The following KLF12 variants were observed in gnomAD, a reference collection of about 807,000 sequenced individuals.
KLF12 encodes the protein Krueppel-like factor 12.
KLF12 carries 9 observed loss-of-function variants against 37.8 expected under a neutral mutation model. That is an observed-to-expected ratio of 0.24 (90% confidence interval 0.14 to 0.42). The LOEUF is 0.42. Among genes scored for constraint, KLF12 ranks in the 10% least tolerant of loss-of-function variants. The pLI is 1.00. For missense variants in KLF12, 411 were observed against 516.0 expected (o/e 0.80, Z 1.97); for synonymous variants, 208 against 202.1 (o/e 1.03, Z -0.25).
intron 2 of KLF12, among the ~76,000 whole-genome samples, chr13:73,982,691 G>C (rs1284233468): frequency 3.3e-5 from 5 of 152,186 alleles, no homozygotes; most frequent in African/African-American, 1.2e-4. Context: ...AATAGCCTAA[G>C]CAGTACATTC....
At chr13:74,144,963 C>T in the KLF12 span, among the ~76,000 whole-genome samples, 2 of 152,068 alleles carry the variant, frequency 1.3e-5, no homozygotes, top group Admixed American at 1.3e-4. Context: ...ACACTACCCA[C>T]CCCACCCCAA....
At chr13:73,915,578 T>C (rs1263874713) in intron 3 of KLF12, among the ~76,000 whole-genome samples, 1 of 151,742 alleles carries the variant, frequency 6.6e-6, no homozygotes. Flanking sequence ...AGTGGCACGA[T>C]CTTGGCTCAC....
chr13:74,027,604 C>A (rs1179242941), intron 1 of KLF12, among the ~76,000 whole-genome samples: 1 of 152,002 alleles, frequency 6.6e-6, no homozygotes, highest in Non-Finnish European at 1.5e-5. Context: ...TTATAAATAC[C>A]CTTAAAACCA....
At chr13:73,743,010 T>C (rs974384688) in intron 6 of KLF12, among the ~76,000 whole-genome samples, 4 of 133,640 alleles carry the variant, frequency 3.0e-5, no homozygotes, top group Non-Finnish European at 6.6e-5. Flanking sequence ...AGGTTTGTGT[T>C]CTCTTCGGGA....
Position 73,856,156 on chromosome 13 carries a change from G to A in KLF12, c.124-9783C>T, listed in dbSNP as rs114699241. Among the ~76,000 whole-genome samples the A allele has an allele frequency of 3.5e-3, 539 of 152,312 alleles. 2 individuals carry two copies. Among genetic ancestry groups the A allele is most frequent in the African/African-American group, 0.012 (515 of 41,580 alleles). ...AGCAAAATGGGAAAAGAGCCAGGCTGGGGACTTAGAGATGAAGGCAGGCAC... is the reference window on the plus strand; with the variant it reads ...AGCAAAATGGGAAAAGAGCCAGGCTAGGGACTTAGAGATGAAGGCAGGCAC... On this transcript the variant is annotated intron_variant, in intron 3 of 7. Transcript: ENST00000377669.
chr13:74,162,244 G>A, the KLF12 span, among the ~76,000 whole-genome samples: 2 of 152,216 alleles, frequency 1.3e-5, no homozygotes, highest in Non-Finnish European at 2.9e-5. Context: ...CAGAAAACTT[G>A]TGTTCTCATT....
At chr13:74,224,628 A>G in the KLF12 span, among the ~76,000 whole-genome samples, 3 of 152,194 alleles carry the variant, frequency 2.0e-5, no homozygotes, top group African/African-American at 4.8e-5. Flanking sequence ...AATCTCCATT[A>G]GGTAATTTGG....
At chr13:73,862,772 A>G (rs533903884) in intron 3 of KLF12, among the ~76,000 whole-genome samples, 1 of 152,324 alleles carries the variant, frequency 6.6e-6, no homozygotes, top group African/African-American at 2.4e-5. Context: ...TAAGAAAAAG[A>G]AAAGAGTCAG....
chr13:74,220,586 G>A, the KLF12 span, among the ~76,000 whole-genome samples: 12 of 152,250 alleles, frequency 7.9e-5, no homozygotes, highest in East Asian at 1.5e-3. Flanking sequence ...GTATAATGTT[G>A]TAAACCATCA....
intron 1 of KLF12, among the ~76,000 whole-genome samples, chr13:74,094,205 T>A (rs1234705725): frequency 6.6e-6 from 1 of 152,314 alleles, no homozygotes; most frequent in East Asian, 1.9e-4. Flanking sequence ...AAAATCTCAT[T>A]TATCTACTTG....
chr13:74,273,318 A>G, the KLF12 span, among the ~76,000 whole-genome samples: 3 of 152,284 alleles, frequency 2.0e-5, no homozygotes, highest in Non-Finnish European at 2.9e-5. Context: ...TCTAATTTCC[A>G]TATAAGCAAT....
intron 3 of KLF12, among the ~76,000 whole-genome samples, chr13:73,869,943 C>T (rs1886385392): frequency 6.6e-6 from 1 of 152,172 alleles, no homozygotes; most frequent in African/African-American, 2.4e-5. Flanking sequence ...ACGCTGATTC[C>T]TTCTCGACAT....
the KLF12 span, among the ~76,000 whole-genome samples, chr13:74,263,115 A>T: frequency 1.3e-5 from 2 of 152,218 alleles, no homozygotes; most frequent in Non-Finnish European, 2.9e-5. Context: ...TTTCATTTAT[A>T]AAAGAGAGAA....
At chr13:73,743,017 G>C (rs921818785) in intron 6 of KLF12, among the ~76,000 whole-genome samples, 4 of 99,514 alleles carry the variant, frequency 4.0e-5, no homozygotes, top group African/African-American at 1.1e-4. Flanking sequence ...TGTTCTCTTC[G>C]GGATTAAAAA....
At chr13:74,165,626 G>A in the KLF12 span, among the ~76,000 whole-genome samples, 4 of 152,124 alleles carry the variant, frequency 2.6e-5, no homozygotes, top group African/African-American at 9.7e-5. Flanking sequence ...CACTTGTTCC[G>A]TGGTTGCAAG....
intron 3 of KLF12, 28 bp from the exon 4 acceptor site, chr13:73,846,401 T>A (rs772984554): frequency 7.2e-5 from 112 of 1,556,286 alleles, no homozygotes; most frequent in Non-Finnish European, 9.7e-5. Flanking sequence ...GAACATATAT[T>A]TATCTTTGTT....
At chr13:73,749,831 T>C (rs567392458) in intron 6 of KLF12, among the ~76,000 whole-genome samples, 3 of 152,344 alleles carry the variant, frequency 2.0e-5, no homozygotes, top group Admixed American at 1.3e-4. Flanking sequence ...AAAGTGGTTA[T>C]ATTTAAAAGA....
Position 73,866,934 on chromosome 13 carries a change from T to A in KLF12, c.124-20561A>T, listed in dbSNP as rs115886934. On this transcript the variant is annotated intron_variant, in intron 3 of 7. Coordinates refer to ENST00000377669, the MANE Select transcript of KLF12 (RefSeq NM_007249.5). Reference sequence around the variant, plus strand: ...AAAATGTCCCAAGATCTCTGCATTGTCTAGAAATTAAGTAAAAGGATTAAA... The same window carrying A: ...AAAATGTCCCAAGATCTCTGCATTGACTAGAAATTAAGTAAAAGGATTAAA... Among the ~76,000 whole-genome samples the A allele has an allele frequency of 3.8e-3, 581 of 152,150 alleles. 2 individuals are homozygous for A. The highest frequency in any genetic ancestry group is 0.013 in the African/African-American group (553 of 41,510).
the KLF12 span, among the ~76,000 whole-genome samples, chr13:74,144,723 A>T: frequency 2.6e-5 from 4 of 152,200 alleles, no homozygotes; most frequent in Non-Finnish European, 5.9e-5. Context: ...TAGAAAGGGC[A>T]AATAAATACA....
Sources: allele counts gnomAD v4.1 joint callset (sites outside exome capture counted in the v4.1 genomes callset), GRCh38; gene constraint gnomAD v4.1.1; transcripts MANE v1.5; gene names NCBI Gene and HGNC (gene_info 2026-07-23, HGNC 2026-07-21).